BET1: variants seen among roughly 807,000 people sequenced by gnomAD.
BET1 encodes the protein Bet1 golgi vesicular membrane trafficking protein, also known as BET1 homolog.
Under a neutral mutation model 13.9 loss-of-function variants are expected in BET1, and 9 were observed. The ratio of observed to expected loss-of-function variants is 0.65; its 90% CI spans 0.39 to 1.13. BET1 has a LOEUF of 1.13. Ranked by LOEUF, BET1 falls within the 50% of genes most tolerant of loss-of-function variation. The pLI, the probability that BET1 is intolerant of heterozygous loss-of-function variation, is 0.01. For synonymous variants in BET1, 39 were observed against 47.3 expected (o/e 0.82, Z 0.72); for missense variants, 127 against 133.6 (o/e 0.95, Z 0.24).
At chr7:93,972,422 G>A (rs1322473725) in intron 6 of BET1, 1 of 151,876 alleles carries the variant, frequency 6.6e-6, no homozygotes, top group Non-Finnish European at 1.5e-5. Flanking sequence ...AACAACCTGT[G>A]AGGTATGTGT....
intron 3 of BET1, 50 bp from the exon 4 acceptor site, chr7:93,994,435 T>C (rs1444524472): frequency 1.3e-6 from 2 of 1,518,354 alleles, no homozygotes; most frequent in Non-Finnish European, 9.0e-7. Context: ...TCTAAGAGTC[T>C]ACATATGCAT....
Position 94,004,289 on chromosome 7 carries a change from A to T in BET1, c.-73T>A. The stretch of plus-strand genomic sequence containing the variant: ...TAGGAAACAGCTAGGGGCGACCCGG[A>T]CCGCGTCTTCAGTACCAGGGCCCAG... On this transcript the variant is annotated 5_prime_UTR_variant, in exon 1 of 4. Coordinates refer to ENST00000222547, the MANE Select transcript of BET1 (RefSeq NM_005868.6). 1 of 1,603,164 alleles carries T rather than the reference A, an allele frequency of 6.2e-7. No individual in the cohort carries two copies. The highest frequency in any genetic ancestry group is 8.5e-7 in the Non-Finnish European group (1 of 1,170,316).
At chr7:93,976,776 ACCT>A (rs1396620640) in intron 4 of BET1, among the ~76,000 whole-genome samples, 1 of 152,040 alleles carries the variant, frequency 6.6e-6, no homozygotes, top group Non-Finnish European at 1.5e-5. Flanking sequence ...TGCACCCATT[ACCT>A]GAGCAGCATA....
At chr7:93,979,676 C>T (rs560286439) in intron 4 of BET1, among the ~76,000 whole-genome samples, 1 of 152,240 alleles carries the variant, frequency 6.6e-6, no homozygotes, top group South Asian at 2.1e-4. Flanking sequence ...TAATCCCCAC[C>T]CCCAGCATAC....
downstream of BET1, chr7:93,992,431 T>C: frequency 2.0e-6 from 2 of 985,428 alleles, no homozygotes; most frequent in Non-Finnish European, 2.4e-6. Flanking sequence ...TTGATTCTCC[T>C]GTTTTCATTT....
At chr7:93,996,372 G>A in intron 2 of BET1, 51 bp from the exon 3 acceptor site, 4 of 1,300,598 alleles carry the variant, frequency 3.1e-6, no homozygotes, top group Non-Finnish European at 4.2e-6. Flanking sequence ...GTATTCAAGT[G>A]TTATAAAGTA....
rs189020086 is a variant in BET1 at position 93,973,387 on chromosome 7, A to C, written c.*49-724T>G. Reference sequence around the variant, plus strand: ...GCTGATGACTAAAGTAAAGGCTCAAAACTTCAGCTGTATCTAGGAAGGTTT... The same window carrying C: ...GCTGATGACTAAAGTAAAGGCTCAACACTTCAGCTGTATCTAGGAAGGTTT... On this transcript the variant is annotated intron_variant and NMD_transcript_variant, in intron 5 of 6. Coordinates refer to the BET1 transcript ENST00000357520. 3.2e-4 allele frequency among the ~76,000 whole-genome samples: 49 copies of C among 152,064 alleles called. No homozygotes were observed. In the Middle Eastern group the frequency reaches 0.014, roughly 42 times the overall value.
rs932088694 is a variant in BET1 at position 93,996,257 on chromosome 7, C to T, written c.201+8G>A. On this transcript the variant is annotated splice_region_variant and intron_variant, in intron 3 of 3. Transcript: ENST00000222547. ...AAATTTCTTAAAGTTAAAATCATAA[C>T]CACTTACCATTTCAGCTAATAATTT... 6.4e-7 allele frequency: 1 copy of T among 1,551,692 alleles called. No homozygotes were observed. The highest frequency in any genetic ancestry group is 1.4e-5 in the African/African-American group (1 of 72,590).
chr7:93,969,149 T>C (rs1179661412), intron 6 of BET1, among the ~76,000 whole-genome samples: 8 of 151,882 alleles, frequency 5.3e-5, no homozygotes, highest in African/African-American at 1.7e-4. Context: ...GACTTTGCCC[T>C]TCACTGGGTG....
At chr7:93,985,486 T>A (rs1380929290) in intron 4 of BET1, among the ~76,000 whole-genome samples, 6 of 152,206 alleles carry the variant, frequency 3.9e-5, no homozygotes, top group Admixed American at 3.9e-4. Flanking sequence ...ATCTGTGTGA[T>A]GCTGGTATAT....
At chr7:93,967,656 A>G (rs555292494) in intron 6 of BET1, among the ~76,000 whole-genome samples, 5 of 151,960 alleles carry the variant, frequency 3.3e-5, no homozygotes, top group Admixed American at 3.3e-4. Context: ...CTATTTTAAA[A>G]TCTTTAACAA....
intron 6 of BET1, among the ~76,000 whole-genome samples, chr7:93,969,866 T>C (rs1459161052): frequency 6.6e-6 from 1 of 151,858 alleles, no homozygotes; most frequent in Non-Finnish European, 1.5e-5. Flanking sequence ...AATGCCCTAC[T>C]TGGTCTCATT....
chr7:93,997,035 CTTCCT>C (rs1795785484), intron 2 of BET1, among the ~76,000 whole-genome samples: 2 of 151,954 alleles, frequency 1.3e-5, no homozygotes, highest in Admixed American at 1.3e-4. Flanking sequence ...GTGTTACTTA[CTTCCT>C]GAAGCTCTGA....
At chr7:93,991,991 TC>T, downstream of BET1, 1 of 985,438 alleles carries the variant, frequency 1.0e-6, no homozygotes, top group African/African-American at 1.7e-5. Flanking sequence ...GCTAGGGTTC[TC>T]TGCTCCAGAA....
intron 5 of BET1, among the ~76,000 whole-genome samples, chr7:93,973,103 T>C (rs1442208354): frequency 6.6e-6 from 1 of 151,924 alleles, no homozygotes; most frequent in Non-Finnish European, 1.5e-5. Context: ...GATCAATGAA[T>C]TATTTGGTTA....
chr7:93,991,692 T>C (rs1188985112), downstream of BET1: 2 of 679,586 alleles, frequency 2.9e-6, no homozygotes, highest in African/African-American at 2.0e-5. Flanking sequence ...CCCAAAGTCA[T>C]AGTGTGAATG....
downstream of BET1, among the ~76,000 whole-genome samples, chr7:93,990,878 C>T (rs1795620243): frequency 2.0e-5 from 3 of 151,224 alleles, no homozygotes; most frequent in African/African-American, 7.3e-5. Flanking sequence ...ATTTCTTTCT[C>T]TTCATTTTGA....
rs1471659605 is a variant in BET1, at chr7:93,996,338, A to G, written c.145-17T>C. On this transcript the variant is annotated splice_polypyrimidine_tract_variant and intron_variant, in intron 2 of 3. Coordinates refer to ENST00000222547, the MANE Select transcript of BET1 (RefSeq NM_005868.6). ...AATGGAAAGCTATAAAGAAGAAGGT[A>G]TACACAGGATTACTCACATAAAAGT... 4 of 1,517,562 alleles carry G rather than the reference A, an allele frequency of 2.6e-6. No homozygotes were observed. Among genetic ancestry groups the G allele is most frequent in the East Asian group, 4.7e-5 (2 of 42,224 alleles). The allele number at this position is 1,517,562 out of a possible 1,614,324, so 94.0% of individuals were successfully genotyped here. A position where few individuals can be genotyped will look rare whatever the true frequency, so the allele number is the denominator to read the frequency against.
At chr7:93,973,982 T>G (rs1247783336) in intron 5 of BET1, among the ~76,000 whole-genome samples, 4 of 152,010 alleles carry the variant, frequency 2.6e-5, no homozygotes, top group African/African-American at 7.2e-5. Context: ...TATACTTTCC[T>G]TAGTAAATTT....
Sources: allele counts gnomAD v4.1 joint callset (sites outside exome capture counted in the v4.1 genomes callset), GRCh38; gene constraint gnomAD v4.1.1; transcripts MANE v1.5; gene names NCBI Gene and HGNC (gene_info 2026-07-23, HGNC 2026-07-21).